The following DNMT1 variants were observed in gnomAD, a reference collection of about 807,000 sequenced individuals.
DNMT1 encodes DNA (cytosine-5)-methyltransferase 1.
In DNMT1, 24 loss-of-function variants were observed where a neutral mutation model predicts 205.3. The ratio of observed to expected loss-of-function variants is 0.12; its 90% CI spans 0.08 to 0.16. The LOEUF (loss-of-function observed/expected upper bound fraction) is 0.16. Ranked by LOEUF, DNMT1 falls within the 10% of genes least tolerant of loss-of-function variation. The pLI is 1.00. For missense variants in DNMT1, 1,293 were observed against 2,177.7 expected (o/e 0.59, Z 8.09); for synonymous variants, 817 against 839.8 (o/e 0.97, Z 0.47).
rs2038523807 is a variant in DNMT1, at chr19:10,159,541, C to T, written c.1280+117G>A. ...GTGGCTCTTATCCACGAAGTGTTAGCTTAAGACATGTTGCAGGTCAGGCAC... is the reference window on the plus strand; with the variant it reads ...GTGGCTCTTATCCACGAAGTGTTAGTTTAAGACATGTTGCAGGTCAGGCAC... On this transcript the variant is annotated intron_variant, in intron 17 of 40. Coordinates refer to ENST00000359526, the MANE Select transcript of DNMT1 (RefSeq NM_001130823.3). The surrounding 1 kb of genome is among the most constrained non-coding windows in gnomAD (Gnocchi z 5.0). The T allele has an allele frequency of 9.3e-7, 1 of 1,072,924 alleles. No homozygotes were observed. Among genetic ancestry groups the T allele is most frequent in the Non-Finnish European group, 1.4e-6 (1 of 716,952 alleles). 66.5% of individuals were successfully genotyped at this position (1,072,924 alleles called of 1,614,324 possible).
chr19:10,156,072 T>TG lies in DNMT1; in HGVS notation c.1400-128_1400-127insC. Reference sequence around the variant, plus strand: ...GGTGCTCCTCAGTCATCACAATGACTTGGCCTACAGCTGCTCCTGGCACAA... The same window carrying TG: ...GGTGCTCCTCAGTCATCACAATGACTGTGGCCTACAGCTGCTCCTGGCACAA... On this transcript the variant is annotated intron_variant, in intron 18 of 40. Transcript: ENST00000359526. This position sits in a 1 kb window ranked among gnomAD's most constrained non-coding sequence, Gnocchi z 4.2. The TG allele has an allele frequency of 3.2e-6, 3 of 951,146 alleles. No individual in the cohort carries two copies. The highest frequency in any genetic ancestry group is 1.6e-5 in the African/African-American group (1 of 61,438). 58.9% of individuals were successfully genotyped at this position (951,146 alleles called of 1,614,324 possible).
At chr19:10,176,971 T>C (rs1016198043) in intron 6 of DNMT1, among the ~76,000 whole-genome samples, 1 of 152,086 alleles carries the variant, frequency 6.6e-6, no homozygotes, top group African/African-American at 2.4e-5. Flanking sequence ...ATGGACAAAG[T>C]AATCCAGGTG....
In DNMT1 at chr19:10,140,824, C is replaced by A. The variant is rs1489027030; in HGVS notation, c.3480G>T (p.Val1160=). 6.2e-7 allele frequency: 1 copy of A among 1,614,216 alleles called. No individual in the cohort carries two copies. The highest frequency in any genetic ancestry group is 1.6e-4 in the Middle Eastern group (1 of 6,062). Residue 1160 remains valine (V), a synonymous_variant, in exon 32 of 41, where the codon GTG becomes GTT. Coordinates refer to ENST00000359526, the MANE Select transcript of DNMT1 (RefSeq NM_001130823.3). This position sits in a 1 kb window ranked among gnomAD's most constrained non-coding sequence, Gnocchi z 8.4. Reference sequence around the variant, plus strand: ...CCGACAACCCCCCGCAGCCAGAAAACACATCCAGGGTCCGCAGCTTGGGCA... The same window carrying A: ...CCGACAACCCCCCGCAGCCAGAAAAAACATCCAGGGTCCGCAGCTTGGGCA... ...IKLPKLRTLD[V]FSGCGGLSEG... is the part of the protein sequence containing the mutation.
At chr19:10,152,630 G>A (rs1025911319) in intron 22 of DNMT1, among the ~76,000 whole-genome samples, 2 of 151,856 alleles carry the variant, frequency 1.3e-5, no homozygotes, top group Non-Finnish European at 2.9e-5. Flanking sequence ...GCATGGTGGC[G>A]TGCACCTGTG....
chr19:10,141,472 A>G (rs1323615005), intron 30 of DNMT1: 3 of 453,216 alleles, frequency 6.6e-6, no homozygotes, highest in African/African-American at 5.9e-5. Flanking sequence ...TCTGCTGTCC[A>G]ATTGGGCTAC....
Position 10,194,923 on chromosome 19 carries a change from C to G in DNMT1, c.-24G>C, listed in dbSNP as rs1444327848. ...ATCTCGGAGGCTTCAGCAGACGCGG[C>G]GGCGGCAGCGCAGGCGCCCCGGCTT... On this transcript the variant is annotated 5_prime_UTR_variant, in exon 1 of 41. Transcript: ENST00000359526. 1 of 1,595,624 alleles carries G rather than the reference C, an allele frequency of 6.3e-7. No individual in the cohort carries two copies. Among genetic ancestry groups the G allele is most frequent in the South Asian group, 1.1e-5 (1 of 89,264 alleles).
rs149568166 is a variant in DNMT1 at position 10,138,218 on chromosome 19, C to A, written c.4116-209G>T. On this transcript the variant is annotated intron_variant, in intron 35 of 40. Transcript: ENST00000359526. The surrounding 1 kb of genome is among the most constrained non-coding windows in gnomAD (Gnocchi z 4.1). ...TTGTGGATGACCACAGCCAAGCATG[C>A]GGCTGGCCGCTCTGCACATGCTATC... Among the ~76,000 whole-genome samples, 2 of 152,222 alleles carry A rather than the reference C, an allele frequency of 1.3e-5. No individual in the cohort carries two copies. Among genetic ancestry groups the A allele is most frequent in the Admixed American group, 1.3e-4 (2 of 15,290 alleles).
At position 10,140,875 on chromosome 19, in the gene DNMT1, C is replaced by T. The variant is rs756854476; in HGVS notation, c.3429G>A (p.Pro1143=). The change falls in exon 32 of 41, where the codon CCG becomes CCA. Residue 1143 remains proline, a synonymous_variant. Transcript: ENST00000359526. The surrounding 1 kb of genome is among the most constrained non-coding windows in gnomAD (Gnocchi z 8.4). The stretch of plus-strand genomic sequence containing the variant: ...GCTTGATCTCTATCTCTGGCTCGCT[C>T]GGCTCACAGGCTTGGGACTTGGGCT... ...KGKPKSQACE[P]SEPEIEIKLP... 9 of 1,614,028 alleles carry T rather than the reference C, an allele frequency of 5.6e-6. No homozygotes were observed. In the South Asian group the frequency reaches 6.6e-5, roughly 12 times the overall value.
chr19:10,173,819 C>T, intron 8 of DNMT1, 52 bp downstream of exon 8: 1 of 1,605,166 alleles, frequency 6.2e-7, no homozygotes. Flanking sequence ...GTTTTGTGAT[C>T]AAGATTACAC....
chr19:10,149,044 C>T, intron 26 of DNMT1, 27 bp from the exon 27 acceptor site: 2 of 1,613,088 alleles, frequency 1.2e-6, no homozygotes, highest in Non-Finnish European at 1.7e-6. Flanking sequence ...GCGTGTCAGG[C>T]CAGGCGCAGT....
chr19:10,148,364 C>T (rs901883622), intron 27 of DNMT1, among the ~76,000 whole-genome samples: 139 of 150,476 alleles, frequency 9.2e-4, no homozygotes, highest in Middle Eastern at 3.4e-3. Flanking sequence ...GGTGTGGTGG[C>T]AGGCGCCTGT....
In DNMT1 at chr19:10,154,495, C is replaced by A; in HGVS notation, c.1833-16G>T. 1 of 1,614,168 alleles carries A rather than the reference C, an allele frequency of 6.2e-7. No individual in the cohort carries two copies. The highest frequency in any genetic ancestry group is 8.5e-7 in the Non-Finnish European group (1 of 1,180,046). On this transcript the variant is annotated splice_polypyrimidine_tract_variant and intron_variant, in intron 21 of 40. Coordinates refer to ENST00000359526, the MANE Select transcript of DNMT1 (RefSeq NM_001130823.3). The surrounding 1 kb of genome is among the most constrained non-coding windows in gnomAD (Gnocchi z 6.3). ...CTGGGCTCGCCTACGGGAGAGGTTCCAGCATCTCAGAGGACTGGGACAGAG... is the reference window on the plus strand; with the variant it reads ...CTGGGCTCGCCTACGGGAGAGGTTCAAGCATCTCAGAGGACTGGGACAGAG...
At chr19:10,144,943 G>T (rs534543689) in intron 28 of DNMT1, among the ~76,000 whole-genome samples, 1 of 152,290 alleles carries the variant, frequency 6.6e-6, no homozygotes, top group Non-Finnish European at 1.5e-5. Context: ...CAGGTATGTC[G>T]GCCAGGCTGG....
chr19:10,135,182 C>T (rs534268730), intron 39 of DNMT1, among the ~76,000 whole-genome samples: 4 of 139,532 alleles, frequency 2.9e-5, no homozygotes, highest in South Asian at 2.2e-4. Context: ...CACTTCACTC[C>T]AGCCTGGGCG....
chr19:10,189,525 TCCTC>T (rs1405975786), intron 1 of DNMT1, among the ~76,000 whole-genome samples: 5 of 151,524 alleles, frequency 3.3e-5, no homozygotes, highest in African/African-American at 1.2e-4. Flanking sequence ...GTTCAAGTGA[TCCTC>T]CCACCTCTGC....
At chr19:10,175,681 AG>A in intron 6 of DNMT1, 63 bp from the exon 7 acceptor site, 1 of 1,487,792 alleles carries the variant, frequency 6.7e-7, no homozygotes, top group Admixed American at 1.7e-5. Context: ...GCTGGCCTGA[AG>A]TGGACCCTCA....
At chr19:10,186,838 C>CAAAAAAAA (rs35238334) in intron 1 of DNMT1, among the ~76,000 whole-genome samples, 63 of 70,682 alleles carry the variant, frequency 8.9e-4, no homozygotes, top group East Asian at 2.8e-3. Flanking sequence ...AACTCCGTCT[C>CAAAAAAAA]AAAAAAAAAA....
rs375595133 is a variant in DNMT1, at chr19:10,148,856, T to C, written c.2720+28A>G. 1.2e-4 allele frequency: 191 copies of C among 1,613,930 alleles called. 1 individual carries two copies. Among genetic ancestry groups the C allele is most frequent in the Non-Finnish European group, 1.5e-4 (177 of 1,179,936 alleles). ...AGTGATGTGGGCTGAAAGTGCCTGC[T>C]GACCCCGAGTCCAGCCCCAGTGCTC... On this transcript the variant is annotated intron_variant, in intron 27 of 40. Transcript: ENST00000359526.
intron 37 of DNMT1, among the ~76,000 whole-genome samples, chr19:10,136,717 T>C (rs2089489665): frequency 6.6e-6 from 1 of 151,768 alleles, no homozygotes; most frequent in South Asian, 2.1e-4. Flanking sequence ...ATTACAGAGG[T>C]GAGCCATCGT....
Sources: gnomAD v4.1 joint callset for allele counts (sites outside exome capture counted in the v4.1 genomes callset) on GRCh38, gnomAD v4.1.1 for gene constraint, Gnocchi (gnomAD v3.1) non-coding constraint, MANE v1.5 for transcripts, NCBI Gene and HGNC (gene_info 2026-07-23, HGNC 2026-07-21) for gene names.